Variants in RLN2 observed in about 807,000 individuals in gnomAD.
RLN2 encodes the protein prorelaxin H2.
A neutral mutation model predicts 7.3 loss-of-function variants in RLN2; 10 were observed. The observed-to-expected ratio is 1.36, with a 90% confidence interval of 0.84 to 2.31. The LOEUF (loss-of-function observed/expected upper bound fraction) is 2.31. Ranked by LOEUF, RLN2 falls within the 30% of genes most tolerant of loss-of-function variation. The pLI is 0.00. For missense variants in RLN2, 298 were observed against 217.6 expected, an observed-to-expected ratio of 1.37 and a Z score of -2.32; for synonymous variants, 103 against 82.3, an observed-to-expected ratio of 1.25 and a Z score of -1.36.
At chr9:5,314,815 C>T in the RLN2 span, among the ~76,000 whole-genome samples, 1 of 152,022 alleles carries the variant, frequency 6.6e-6, no homozygotes, top group Non-Finnish European at 1.5e-5. Context: ...CTATGTCCCA[C>T]TATCCCCAGG....
At chr9:5,333,812 T>C in the RLN2 span, among the ~76,000 whole-genome samples, 1 of 151,908 alleles carries the variant, frequency 6.6e-6, no homozygotes, top group Non-Finnish European at 1.5e-5. Context: ...ATCAAAAAGC[T>C]TATCCACCCC....
chr9:5,335,947 G>C, the RLN2 span, among the ~76,000 whole-genome samples: 2 of 152,000 alleles, frequency 1.3e-5, no homozygotes, highest in Non-Finnish European at 2.9e-5. Flanking sequence ...ACACATAGTG[G>C]TCATTTTCTT....
chr9:5,334,749 AT>A, the RLN2 span, among the ~76,000 whole-genome samples: 2 of 152,076 alleles, frequency 1.3e-5, no homozygotes, highest in African/African-American at 4.8e-5. Context: ...AGGAAAAAAA[AT>A]ACTTGAGTTT....
At chr9:5,336,499 T>G in the RLN2 span, among the ~76,000 whole-genome samples, 3 of 152,032 alleles carry the variant, frequency 2.0e-5, no homozygotes, top group Admixed American at 6.6e-5. Flanking sequence ...TTTGTACCCA[T>G]TCAGCTCCGT....
chr9:5,305,343 G>C (rs1035497512), upstream of RLN2, among the ~76,000 whole-genome samples: 1 of 144,568 alleles, frequency 6.9e-6, no homozygotes, highest in Non-Finnish European at 1.5e-5. Flanking sequence ...TACATCTCTG[G>C]AGACTGGAGA....
At chr9:5,339,166 T>C in the RLN2 span, 1 of 193,110 alleles carries the variant, frequency 5.2e-6, no homozygotes, top group South Asian at 2.5e-5. Flanking sequence ...TCCTGTGGGG[T>C]GCAGGAGTGC....
chr9:5,330,008 T>C, the RLN2 span, among the ~76,000 whole-genome samples: 3 of 151,962 alleles, frequency 2.0e-5, no homozygotes, highest in Admixed American at 6.6e-5. Flanking sequence ...ACATAATTTG[T>C]AGTAAAACAC....
At chr9:5,325,714 G>C in the RLN2 span, among the ~76,000 whole-genome samples, 3 of 151,956 alleles carry the variant, frequency 2.0e-5, no homozygotes, top group African/African-American at 7.3e-5. Flanking sequence ...ATGTAAATTT[G>C]TTAATTGTTA....
chr9:5,329,960 C>T, the RLN2 span, among the ~76,000 whole-genome samples: 93 of 152,084 alleles, frequency 6.1e-4, 1 homozygote, highest in African/African-American at 2.2e-3. Flanking sequence ...AATATACATT[C>T]TTCTCAGCAC....
chr9:5,334,504 T>G, the RLN2 span, among the ~76,000 whole-genome samples: 1 of 152,046 alleles, frequency 6.6e-6, no homozygotes, highest in Non-Finnish European at 1.5e-5. Flanking sequence ...TTTCAGTAAT[T>G]TTGCTTACAG....
At chr9:5,323,294 T>C in the RLN2 span, among the ~76,000 whole-genome samples, 1 of 151,986 alleles carries the variant, frequency 6.6e-6, no homozygotes, top group Non-Finnish European at 1.5e-5. Context: ...TTTCTCCTTT[T>C]AATCTGTCTA....
At chr9:5,308,517 C>T (rs1040567477), upstream of RLN2, among the ~76,000 whole-genome samples, 1 of 151,992 alleles carries the variant, frequency 6.6e-6, no homozygotes, top group Non-Finnish European at 1.5e-5. Flanking sequence ...TTGGCTCTCA[C>T]GTGTGTTCTC....
the RLN2 span, among the ~76,000 whole-genome samples, chr9:5,337,244 G>T: frequency 6.6e-6 from 1 of 151,918 alleles, no homozygotes; most frequent in South Asian, 2.1e-4. Flanking sequence ...AAAGCTGATG[G>T]TAATTTTCTG....
chr9:5,304,313 G>T (rs1335423348), intron 1 of RLN2, 57 bp downstream of exon 1: 20 of 1,282,236 alleles, frequency 1.6e-5, no homozygotes, highest in Non-Finnish European at 2.2e-5. Context: ...TTGGGCGGCC[G>T]CCCCAGAGTA....
upstream of RLN2, among the ~76,000 whole-genome samples, chr9:5,306,088 ATTTC>A (rs956324689): frequency 1.4e-4 from 19 of 137,238 alleles, no homozygotes; most frequent in Admixed American, 7.8e-4. Context: ...ATTTCCAGGG[ATTTC>A]TTTGTTTTTG....
chr9:5,329,838 A>G, the RLN2 span, among the ~76,000 whole-genome samples: 2,116 of 152,018 alleles, frequency 0.014, 33 homozygotes, highest in Non-Finnish European at 0.024. Context: ...ACTGTCAATA[A>G]TAGACAGATC....
intron 1 of RLN2, among the ~76,000 whole-genome samples, chr9:5,300,886 T>C (rs1026380207): frequency 2.6e-5 from 4 of 152,198 alleles, no homozygotes; most frequent in Non-Finnish European, 4.4e-5. Context: ...TTGAAAAAGA[T>C]ATTACTTTAA....
chr9:5,335,232 G>A, the RLN2 span: 11 of 1,480,188 alleles, frequency 7.4e-6, no homozygotes, highest in Non-Finnish European at 9.2e-6. Context: ...TAGACAAGAT[G>A]TGCACAATTA....
the RLN2 span, among the ~76,000 whole-genome samples, chr9:5,338,186 G>A: frequency 7.3e-4 from 76 of 103,982 alleles, 2 homozygotes; most frequent in African/African-American, 2.8e-3. Context: ...TCTTTAATAT[G>A]AGCATTACTA....
Sources: allele counts gnomAD v4.1 joint callset (sites outside exome capture counted in the v4.1 genomes callset), GRCh38; gene constraint gnomAD v4.1.1; transcripts MANE v1.5; gene names NCBI Gene and HGNC (gene_info 2026-07-23, HGNC 2026-07-21).